STARD5: variants seen among roughly 807,000 people sequenced by gnomAD.
STARD5 encodes the protein StAR related lipid transfer domain containing 5.
In STARD5, 26 loss-of-function variants were observed where a neutral mutation model predicts 24.6. The observed-to-expected ratio is 1.06, with a 90% CI of 0.77 to 1.47. The LOEUF (loss-of-function observed/expected upper bound fraction) is 1.47. Among genes scored for constraint, STARD5 ranks in the 40% most tolerant of loss-of-function variants. The pLI is 0.00. For synonymous variants in STARD5, 101 were observed against 99.7 expected (o/e 1.01, Z -0.07); for missense variants, 254 against 270.8 (o/e 0.94, Z 0.44).
At chr15:81,317,972 T>C (rs1162311129) in intron 5 of STARD5, among the ~76,000 whole-genome samples, 1 of 152,072 alleles carries the variant, frequency 6.6e-6, no homozygotes, top group African/African-American at 2.4e-5. Context: ...GAGTGAAATG[T>C]GGGGTGGGGA....
intron 3 of STARD5, 45 bp downstream of exon 3, chr15:81,322,363 C>G: frequency 6.2e-7 from 1 of 1,612,784 alleles, no homozygotes; most frequent in Non-Finnish European, 8.5e-7. Context: ...TTACTATAGC[C>G]TGGCCCAGAC....
chr15:81,323,943 G>A, intron 1 of STARD5, 58 bp downstream of exon 1: 1 of 1,533,348 alleles, frequency 6.5e-7, no homozygotes, highest in East Asian at 2.4e-5. Flanking sequence ...GGGCTTCTGG[G>A]GACCCGGGCT....
chr15:81,314,677 G>A (rs1416245325), intron 5 of STARD5, among the ~76,000 whole-genome samples: 6 of 152,056 alleles, frequency 3.9e-5, no homozygotes, highest in Admixed American at 6.5e-5. Context: ...CCTGAGGTCA[G>A]GAGTTCGAGA....
Position 81,324,111 on chromosome 15 carries a change from C to T in STARD5, c.-12G>A, listed in dbSNP as rs1241594992. On this transcript the variant is annotated 5_prime_UTR_variant, in exon 1 of 6. Transcript: ENST00000302824. ...AGCGCCGGGTCCATTGCGTCGGGAG[C>T]TGCGCTTAGCTGCGGGGTCGCGGGT... 4 of 1,367,226 alleles carry T rather than the reference C, an allele frequency of 2.9e-6. No homozygotes were observed. Among genetic ancestry groups the T allele is most frequent in the South Asian group, 1.9e-5 (1 of 53,154 alleles). 84.7% of individuals were successfully genotyped at this position (1,367,226 alleles called of 1,614,324 possible). A position where few individuals can be genotyped will look rare whatever the true frequency, so the allele number is the denominator to read the frequency against.
intron 5 of STARD5, among the ~76,000 whole-genome samples, chr15:81,317,639 G>A (rs116379034): frequency 0.02 from 2,978 of 152,240 alleles, 105 homozygotes; most frequent in African/African-American, 0.069. Context: ...CCACGACACC[G>A]AGGCCCACCT....
intron 4 of STARD5, 133 bp downstream of exon 4, chr15:81,319,206 A>G: frequency 1.3e-6 from 1 of 799,904 alleles, no homozygotes; most frequent in South Asian, 1.6e-5. Context: ...ACCCAACCAG[A>G]TGAGGTAGGG....
chr15:81,320,085 G>A (rs1901166101), intron 3 of STARD5, among the ~76,000 whole-genome samples: 1 of 152,144 alleles, frequency 6.6e-6, no homozygotes, highest in African/African-American at 2.4e-5. Flanking sequence ...AACCAAGGAT[G>A]CTGGGCTTTC....
At position 81,324,021 on chromosome 15, in the gene STARD5, A is replaced by G; in HGVS notation, c.79T>C (p.Trp27Arg). ...CTCACGCCTTCCCGGCAAATCTTCC[A>G]GCCTGCTGTGTCCCGCCGGTACTGG... Reference protein sequence around the residue: ...MLQYRRDTAGWKICREGNGVS... With the variant: ...MLQYRRDTAGRKICREGNGVS... The change falls in exon 1 of 6, where the codon TGG (tryptophan) becomes CGG (arginine). Residue 27 changes from tryptophan to arginine, a missense_variant. Trp to Arg is a moderately radical substitution (Grantham distance 101). Transcript: ENST00000302824. 2 of 1,603,762 alleles carry G rather than the reference A, an allele frequency of 1.2e-6. No homozygotes were observed. The highest frequency in any genetic ancestry group is 1.7e-6 in the Non-Finnish European group (2 of 1,175,090).
Position 81,322,418 on chromosome 15 carries a change from C to T in STARD5, c.272G>A (p.Ser91Asn). Reference protein sequence around the residue: ...ENVTGFEIIQSITDTLCVSRT... With the variant: ...ENVTGFEIIQNITDTLCVSRT... The stretch of plus-strand genomic sequence containing the variant: ...CTTGGAAAGACTTACGTCAGTGATG[C>T]TTTGGATAATTTCAAAACCGGTCAC... The change falls in exon 3 of 6, where the codon AGC becomes AAC. Residue 91 changes from serine (S) to asparagine (N), a missense_variant. Transcript: ENST00000302824. 1 of 1,614,186 alleles carries T rather than the reference C, an allele frequency of 6.2e-7. No individual in the cohort carries two copies. Among genetic ancestry groups the T allele is most frequent in the Non-Finnish European group, 8.5e-7 (1 of 1,180,034 alleles).
At chr15:81,319,732 T>C (rs1286750981) in intron 3 of STARD5, among the ~76,000 whole-genome samples, 1 of 152,164 alleles carries the variant, frequency 6.6e-6, no homozygotes, top group African/African-American at 2.4e-5. Flanking sequence ...AGAGGTACCA[T>C]TTATTGAGCA....
rs17875573 is a variant in STARD5, at chr15:81,313,200, C to A, written c.*56G>T. The A allele has an allele frequency of 2.0e-6, 3 of 1,466,252 alleles. No homozygotes were observed. Among genetic ancestry groups the A allele is most frequent in the African/African-American group, 1.4e-5 (1 of 69,056 alleles). 90.8% of individuals were successfully genotyped at this position (1,466,252 alleles called of 1,614,324 possible). On this transcript the variant is annotated 3_prime_UTR_variant, in exon 6 of 6. Transcript: ENST00000302824. ...GCTCCCAGGCTCCTTGGTGTCCCAA[C>A]AGCTGGAGCTCCTCGATGAGTCACG... is the stretch of plus-strand genomic sequence containing the variant.
Position 81,323,017 on chromosome 15 carries a change from G to T in STARD5, c.100-69C>A, listed in dbSNP as rs1893321205. ...CTCTGGTCACCTGGCTTAATCCCCT[G>T]TTCTACAGAAGAGGGGTAAGAGGCC... On this transcript the variant is annotated intron_variant, in intron 1 of 5. Coordinates refer to ENST00000302824, the MANE Select transcript of STARD5 (RefSeq NM_181900.3). The T allele has an allele frequency of 1.9e-6, 3 of 1,550,638 alleles. No homozygotes were observed. The African/African-American group carries it at 4.1e-5, about 21-fold the overall frequency.
chr15:81,317,987 T>C (rs1901117459), intron 5 of STARD5, among the ~76,000 whole-genome samples: 1 of 152,156 alleles, frequency 6.6e-6, no homozygotes, highest in African/African-American at 2.4e-5. Context: ...TGGGGACTGC[T>C]ATCCTCAAAG....
intron 4 of STARD5, among the ~76,000 whole-genome samples, chr15:81,318,707 C>G (rs1442836747): frequency 6.6e-6 from 1 of 152,314 alleles, no homozygotes; most frequent in South Asian, 2.1e-4. Context: ...TGCGTGTACA[C>G]AAACTCACAC....
At position 81,324,046 on chromosome 15, in the gene STARD5, G is replaced by A; in HGVS notation, c.54C>T (p.Leu18=). The change falls in exon 1 of 6, where the codon CTC becomes CTT. Residue 18 remains leucine (L), a synonymous_variant. Transcript: ENST00000302824. The stretch of plus-strand genomic sequence containing the variant: ...AGCCTGCTGTGTCCCGCCGGTACTG[G>A]AGCATCTTCTCGGCCACAGCCTCGC... ...QMSEAVAEKM[L]QYRRDTAGWK... 1 of 1,596,526 alleles carries A rather than the reference G, an allele frequency of 6.3e-7. No individual in the cohort carries two copies. The highest frequency in any genetic ancestry group is 1.1e-5 in the South Asian group (1 of 88,954).
chr15:81,323,028 G>A, intron 1 of STARD5, 80 bp from the exon 2 acceptor site: 1 of 1,457,094 alleles, frequency 6.9e-7, no homozygotes. Flanking sequence ...TTCTACAGAA[G>A]AGGGGTAAGA....
At chr15:81,319,489 G>A in intron 3 of STARD5, 33 bp from the exon 4 acceptor site, 1 of 1,588,132 alleles carries the variant, frequency 6.3e-7, no homozygotes, top group Non-Finnish European at 8.6e-7. Flanking sequence ...AGCTGTGACT[G>A]CTGGCCAGAC....
chr15:81,318,819 G>C (rs565348528), intron 4 of STARD5, among the ~76,000 whole-genome samples: 12 of 152,178 alleles, frequency 7.9e-5, no homozygotes, highest in African/African-American at 2.9e-4. Flanking sequence ...TCAGAGAAAA[G>C]AACATTCTAG....
At chr15:81,318,341 C>G in intron 5 of STARD5, 68 bp downstream of exon 5, 2 of 1,363,466 alleles carry the variant, frequency 1.5e-6, no homozygotes, top group Non-Finnish European at 2.1e-6. Context: ...CCCCTTTTCA[C>G]AGAAGGTCCA....
Sources: allele counts gnomAD v4.1 joint callset (sites outside exome capture counted in the v4.1 genomes callset), GRCh38; gene constraint gnomAD v4.1.1; transcripts MANE v1.5; gene names NCBI Gene and HGNC (gene_info 2026-07-23, HGNC 2026-07-21).